Variants in GABRA5 observed in about 807,000 individuals in gnomAD.
The protein encoded by GABRA5 is gamma-aminobutyric acid type A receptor subunit alpha5.
In GABRA5, 18 loss-of-function variants were observed where a neutral mutation model predicts 47.3. The observed-to-expected ratio is 0.38, with a 90% CI of 0.26 to 0.56. GABRA5 has a LOEUF of 0.56. Among genes scored for constraint, GABRA5 ranks in the 20% least tolerant of loss-of-function variants. The pLI, the probability that GABRA5 is intolerant of heterozygous loss-of-function variation, is 0.71. For synonymous variants in GABRA5, 237 were observed against 229.3 expected (o/e 1.03, Z -0.30); for missense variants, 365 against 599.3 (o/e 0.61, Z 4.08).
intron 6 of GABRA5, among the ~76,000 whole-genome samples, chr15:26,885,062 C>T (rs1490158294): frequency 2.6e-5 from 4 of 151,938 alleles, no homozygotes; most frequent in Non-Finnish European, 4.4e-5. Context: ...TTTGGGAGGC[C>T]GAGGCGGGAG....
chr15:26,897,004 CTCTACATCTTAGA>C (rs1566872318), intron 6 of GABRA5, among the ~76,000 whole-genome samples: 1 of 25,890 alleles, frequency 3.9e-5, no homozygotes, highest in Non-Finnish European at 1.3e-4. Flanking sequence ...AGAAAAAAAT[CTCTACATCTTAGA>C]GATGTAGAGA....
At chr15:26,943,568 C>G (rs1333033020) in intron 10 of GABRA5, 142 bp downstream of exon 10, 1 of 733,302 alleles carries the variant, frequency 1.4e-6, no homozygotes, top group East Asian at 2.7e-5. Context: ...AAGGCCCTTA[C>G]CAAGTCTTAC....
chr15:26,882,456 T>C (rs1323422926), intron 4 of GABRA5, among the ~76,000 whole-genome samples: 1 of 152,180 alleles, frequency 6.6e-6, no homozygotes, highest in Non-Finnish European at 1.5e-5. Flanking sequence ...CAGTGCACTT[T>C]GAATTGCTTC....
chr15:26,892,061 G>T (rs1293524695), intron 6 of GABRA5, among the ~76,000 whole-genome samples: 1 of 152,254 alleles, frequency 6.6e-6, no homozygotes, highest in Non-Finnish European at 1.5e-5. Flanking sequence ...TGTTTACCCT[G>T]AGAATAGTTA....
At chr15:26,914,957 T>C in intron 7 of GABRA5, 72 bp downstream of exon 7, 1 of 1,246,596 alleles carries the variant, frequency 8.0e-7, no homozygotes, top group Non-Finnish European at 1.2e-6. Flanking sequence ...TTCAGAAGAA[T>C]TTAGGTTCTG....
intron 7 of GABRA5, among the ~76,000 whole-genome samples, chr15:26,924,486 G>A (rs150147535): frequency 1.6e-4 from 25 of 152,278 alleles, no homozygotes; most frequent in African/African-American, 5.3e-4. Flanking sequence ...AAGAGCAAGA[G>A]GGAGTTGCCC....
At chr15:26,936,052 TAGTG>T (rs1595433861) in intron 7 of GABRA5, among the ~76,000 whole-genome samples, 1 of 152,082 alleles carries the variant, frequency 6.6e-6, no homozygotes, top group Middle Eastern at 3.2e-3. Context: ...GTTCACGTGA[TAGTG>T]AGTGAGTCTC....
intron 6 of GABRA5, among the ~76,000 whole-genome samples, chr15:26,907,741 C>G (rs901264937): frequency 6.6e-6 from 1 of 152,164 alleles, no homozygotes; most frequent in Non-Finnish European, 1.5e-5. Context: ...GACTTACCAA[C>G]GTTTCTGTTC....
At chr15:26,878,073 G>A (rs1240028846) in intron 3 of GABRA5, among the ~76,000 whole-genome samples, 1 of 152,180 alleles carries the variant, frequency 6.6e-6, no homozygotes, top group Admixed American at 6.5e-5. Context: ...GACCCTAAAC[G>A]GAGTGAGCGC....
chr15:26,908,572 G>A (rs1425214379), intron 6 of GABRA5, among the ~76,000 whole-genome samples: 1 of 152,144 alleles, frequency 6.6e-6, no homozygotes, highest in Non-Finnish European at 1.5e-5. Flanking sequence ...GCATTGGTGT[G>A]TTTTTTACAA....
At chr15:26,932,065 A>G (rs939092892) in intron 7 of GABRA5, among the ~76,000 whole-genome samples, 1 of 152,276 alleles carries the variant, frequency 6.6e-6, no homozygotes, top group African/African-American at 2.4e-5. Flanking sequence ...ATGGGCAAAG[A>G]TTTTATGACA....
chr15:26,919,872 G>GAACTCCTTCAA (rs1266777576), intron 7 of GABRA5, among the ~76,000 whole-genome samples: 1 of 151,874 alleles, frequency 6.6e-6, no homozygotes, highest in Non-Finnish European at 1.5e-5. Context: ...CTTCATTTTT[G>GAACTCCTTCAA]AAGGAGAGTT....
chr15:26,906,637 G>T (rs1256401537), intron 6 of GABRA5, among the ~76,000 whole-genome samples: 1 of 152,008 alleles, frequency 6.6e-6, no homozygotes, highest in East Asian at 1.9e-4. Context: ...GTTAAACTTT[G>T]AATTTTATTG....
At chr15:26,939,623 G>T (rs919099670) in intron 8 of GABRA5, 2 of 600,382 alleles carry the variant, frequency 3.3e-6, no homozygotes, top group Admixed American at 5.9e-5. Flanking sequence ...AGCAGGCGAG[G>T]GAGTGGGGGG....
intron 6 of GABRA5, among the ~76,000 whole-genome samples, chr15:26,904,747 C>T (rs1346945925): frequency 6.6e-6 from 1 of 151,974 alleles, no homozygotes; most frequent in African/African-American, 2.4e-5. Context: ...GATTACATTC[C>T]TGATTTGGCT....
In GABRA5 at chr15:26,883,813, A is replaced by C. The variant is rs1892805122; in HGVS notation, c.497+256A>C. On this transcript the variant is annotated intron_variant, in intron 6 of 10. Transcript: ENST00000335625. The surrounding 1 kb of genome is among the most constrained non-coding windows in gnomAD (Gnocchi z 4.8). ...GGTTCAAGCTCAAGAGCATCTTTGG[A>C]ACCATGGCCCATATAATGTCGGATA... Among the ~76,000 whole-genome samples, 1 of 152,180 alleles carries C rather than the reference A, an allele frequency of 6.6e-6. No homozygotes were observed. Among genetic ancestry groups the C allele is most frequent in the Non-Finnish European group, 1.5e-5 (1 of 68,034 alleles).
Position 26,883,569 on chromosome 15 carries a change from G to T in GABRA5, c.497+12G>T. 1.3e-6 allele frequency: 2 copies of T among 1,528,770 alleles called. No individual in the cohort carries two copies. The highest frequency in any genetic ancestry group is 8.9e-7 in the Non-Finnish European group (1 of 1,126,198). The allele number at this position is 1,528,770 out of a possible 1,614,324, so 94.7% of individuals were successfully genotyped here. ...CTCTACACCATGCGGTGAGCGCCGG[G>T]CGGGGGCGGGCGGGGCCGGGGGACG... is the stretch of plus-strand genomic sequence containing the variant. On this transcript the variant is annotated intron_variant, in intron 6 of 10. Transcript: ENST00000335625. The surrounding 1 kb of genome is among the most constrained non-coding windows in gnomAD (Gnocchi z 4.8).
chr15:26,872,240 G>A (rs948583764), intron 3 of GABRA5, among the ~76,000 whole-genome samples: 35 of 152,058 alleles, frequency 2.3e-4, no homozygotes, highest in Admixed American at 7.9e-4. Flanking sequence ...CTACCACAAC[G>A]TGGAGCACCT....
intron 3 of GABRA5, among the ~76,000 whole-genome samples, chr15:26,870,344 G>A (rs1314992875): frequency 2.6e-5 from 4 of 152,214 alleles, no homozygotes; most frequent in Non-Finnish European, 4.4e-5. Context: ...AGGAAGGGGT[G>A]GGTGTGGGGG....
Sources: gnomAD v4.1 joint callset for allele counts (sites outside exome capture counted in the v4.1 genomes callset) on GRCh38, gnomAD v4.1.1 for gene constraint, Gnocchi (gnomAD v3.1) non-coding constraint, MANE v1.5 for transcripts, NCBI Gene and HGNC (gene_info 2026-07-23, HGNC 2026-07-21) for gene names.